The following ALS2CL variants were observed in gnomAD, a reference collection of about 807,000 sequenced individuals.
ALS2CL encodes the protein ALS2 C-terminal-like protein.
In ALS2CL, 112 loss-of-function variants were observed where a neutral mutation model predicts 127.9. The ratio of observed to expected loss-of-function variants is 0.88; its 90% confidence interval spans 0.75 to 1.02. The LOEUF (loss-of-function observed/expected upper bound fraction) is 1.02, where lower values mean the gene tolerates loss of function less well. ALS2CL is among the 50% of genes least tolerant of loss of function. The pLI is 0.00. For synonymous variants in ALS2CL, 519 were observed against 527.6 expected (o/e 0.98, Z 0.22); for missense variants, 1,174 against 1,236.7 (o/e 0.95, Z 0.76).
At chr3:46,679,512 C>T in intron 14 of ALS2CL, 1 of 342,990 alleles carries the variant, frequency 2.9e-6, no homozygotes, top group Non-Finnish European at 5.3e-6. Context: ...CCAAATGACA[C>T]CCTCCGCCCT....
At chr3:46,691,036 C>T (rs972283658) in intron 1 of ALS2CL, among the ~76,000 whole-genome samples, 1 of 152,206 alleles carries the variant, frequency 6.6e-6, no homozygotes, top group Admixed American at 6.5e-5. Flanking sequence ...AGCCACCAGA[C>T]ACCCAGCTGC....
rs77367607 is a variant in ALS2CL at position 46,671,000 on chromosome 3, G to A, written c.2846C>T (p.Ser949Phe). Residue 949 changes from serine (S) to phenylalanine (F), a missense_variant, in exon 26 of 26, where the codon TCC becomes TTC. Ser to Phe is a radical substitution (Grantham distance 155). Coordinates refer to ENST00000318962, the MANE Select transcript of ALS2CL (RefSeq NM_147129.5). The surrounding 1 kb of genome is among the most constrained non-coding windows in gnomAD (Gnocchi z 5.5). ...RLHRLPGHWH[S>F]RELW ...AAGGCCAGGCTACCAGAGCTCCCTG[G>A]AGTGCCAGTGGCCAGGTAAGCGGTG... 32,332 of 1,614,120 alleles carry A rather than the reference G, an allele frequency of 0.02. 433 individuals are homozygous for A. Among genetic ancestry groups the A allele is most frequent in the Non-Finnish European group, 0.023 (27,488 of 1,179,930 alleles).
In ALS2CL at chr3:46,686,306, AC is replaced by A; in HGVS notation, c.666+1del. On this transcript the variant is annotated splice_donor_variant, in intron 6 of 25. Transcript: ENST00000318962. LOFTEE classifies it high-confidence loss of function. This position sits in a 1 kb window ranked among gnomAD's most constrained non-coding sequence, Gnocchi z 4.3. ...TAACTGCCCCTCAGGCCCCCAACTC[AC>A]CCTCAGCCGGCCTCTCAGGGTGTGC... 6.2e-7 allele frequency: 1 copy of A among 1,600,764 alleles called. No homozygotes were observed. The highest frequency in any genetic ancestry group is 1.1e-5 in the South Asian group (1 of 89,454).
chr3:46,675,616 A>T lies in ALS2CL; in HGVS notation c.2255+2T>A. 1 of 1,613,370 alleles carries T rather than the reference A, an allele frequency of 6.2e-7. No individual in the cohort carries two copies. The highest frequency in any genetic ancestry group is 2.2e-5 in the East Asian group (1 of 44,862). On this transcript the variant is annotated splice_donor_variant, in intron 20 of 25. Transcript: ENST00000318962. LOFTEE classifies it high-confidence loss of function. ...GGCCCCAAGGAGACCTGCGCCAGTC[A>T]CCTTGTCTCTGTGTCTTCATCCTCC...
rs771289480 is a variant in ALS2CL, at chr3:46,678,255, TCA to T, written c.1757+2_1757+3del. On this transcript the variant is annotated splice_donor_variant and splice_donor_region_variant and intron_variant, in intron 16 of 25. Coordinates refer to ENST00000318962, the MANE Select transcript of ALS2CL (RefSeq NM_147129.5). LOFTEE classifies it high-confidence loss of function. ...GCCCAGAGCCAGAGGGGCCAGGCAC[TCA>T]CCTCTTGCAGGTACTGCTCGGGTCT... is the stretch of plus-strand genomic sequence containing the variant. The T allele has an allele frequency of 1.6e-5, 25 of 1,576,028 alleles. No individual in the cohort carries two copies. The South Asian group carries it at 2.9e-4, about 18-fold the overall frequency.
Position 46,675,651 on chromosome 3 carries a change from T to C in ALS2CL, c.2222A>G (p.Gln741Arg), listed in dbSNP as rs745458496. 6.2e-7 allele frequency: 1 copy of C among 1,613,828 alleles called. No homozygotes were observed. Among genetic ancestry groups the C allele is most frequent in the Admixed American group, 1.7e-5 (1 of 60,024 alleles). ...LLRVALERKG[Q>R]ALEEDEDTET... ...TGTGTCTTCATCCTCCTCCAGGGCCTGGCCCTTGCGCTCTAAGGCAACTCG... is the reference window on the plus strand; with the variant it reads ...TGTGTCTTCATCCTCCTCCAGGGCCCGGCCCTTGCGCTCTAAGGCAACTCG... Residue 741 changes from glutamine to arginine, a missense_variant, in exon 20 of 26, where the codon CAG becomes CGG. Coordinates refer to ENST00000318962, the MANE Select transcript of ALS2CL (RefSeq NM_147129.5).
intron 13 of ALS2CL, 87 bp from the exon 14 acceptor site, chr3:46,680,628 G>GT (rs1699242953): frequency 8.4e-7 from 1 of 1,195,100 alleles, no homozygotes; most frequent in Non-Finnish European, 1.2e-6. Context: ...GCGGCAGGGA[G>GT]TGCAGATAAG....
Position 46,681,578 on chromosome 3 carries a change from G to A in ALS2CL, c.1196C>T (p.Pro399Leu), listed in dbSNP as rs765985287. ...LEHGFGIRLL[P>L]QASEDKFDCY... ...GTCGAACTTGTCCTCAGAGGCCTGG[G>A]GCAGCAGGCGGATGCCGAAGCTGAC... The change falls in exon 12 of 26, where the codon CCC becomes CTC. Residue 399 changes from proline to leucine, a missense_variant. By Grantham distance (98) the Pro-to-Leu change is moderately conservative. Coordinates refer to ENST00000318962, the MANE Select transcript of ALS2CL (RefSeq NM_147129.5). The surrounding 1 kb of genome is among the most constrained non-coding windows in gnomAD (Gnocchi z 4.9). 1 of 1,614,130 alleles carries A rather than the reference G, an allele frequency of 6.2e-7. No homozygotes were observed. The highest frequency in any genetic ancestry group is 1.1e-5 in the South Asian group (1 of 91,078).
chr3:46,692,400 C>CA (rs1700213987), intron 1 of ALS2CL, among the ~76,000 whole-genome samples: 5 of 151,950 alleles, frequency 3.3e-5, no homozygotes, highest in Non-Finnish European at 5.9e-5. Flanking sequence ...CAGTCAAGGG[C>CA]ATAGCTTCCT....
chr3:46,679,155 C>T (rs773002587), intron 15 of ALS2CL, 55 bp downstream of exon 15: 8 of 1,505,836 alleles, frequency 5.3e-6, no homozygotes, highest in Non-Finnish European at 7.2e-6. Flanking sequence ...GGGGAGATTA[C>T]AGACACCAAC....
chr3:46,671,032 C>T lies in ALS2CL; in HGVS notation c.2814G>A (p.Met938Ile), dbSNP rs764697064. Residue 938 changes from methionine (M) to isoleucine (I), a missense_variant, in exon 26 of 26, where the codon ATG becomes ATA. Coordinates refer to ENST00000318962, the MANE Select transcript of ALS2CL (RefSeq NM_147129.5). ...SCYEHIQKED[M>I]RLHRLPGHWH... Reference sequence around the variant, plus strand: ...AGTGGCCAGGTAAGCGGTGCAGCCTCATGTCTTCTTTCTGGATGTGCTCGT... The same window carrying T: ...AGTGGCCAGGTAAGCGGTGCAGCCTTATGTCTTCTTTCTGGATGTGCTCGT... 6.2e-7 allele frequency: 1 copy of T among 1,614,218 alleles called. No homozygotes were observed. The highest frequency in any genetic ancestry group is 1.7e-5 in the Admixed American group (1 of 60,026).
chr3:46,684,414 C>T (rs1400233216), intron 7 of ALS2CL, among the ~76,000 whole-genome samples: 4 of 135,138 alleles, frequency 3.0e-5, no homozygotes, highest in Admixed American at 7.4e-5. Flanking sequence ...GACCACTACG[C>T]CATCAGGGCC....
rs1699759732 is a variant in ALS2CL, at chr3:46,686,221, G to A, written c.666+87C>T. The A allele has an allele frequency of 6.8e-7, 1 of 1,466,688 alleles. No individual in the cohort carries two copies. The highest frequency in any genetic ancestry group is 9.0e-7 in the Non-Finnish European group (1 of 1,106,008). The allele number at this position is 1,466,688 out of a possible 1,614,324, so 90.9% of individuals were successfully genotyped here. ...CCATATAGGGAAACTGAGGCCCAGA[G>A]AATACAGCAAGCAGCTCAAGCCCCC... On this transcript the variant is annotated intron_variant, in intron 6 of 25. Transcript: ENST00000318962. This position sits in a 1 kb window ranked among gnomAD's most constrained non-coding sequence, Gnocchi z 4.3.
In ALS2CL at chr3:46,683,194, C is replaced by A; in HGVS notation, c.1045G>T (p.Ala349Ser). ...GTGGCCTGGCAGAGCCGGCCCTCTG[C>A]CTGGAAGGTATATTCTGCGCAGCGG... ...DCRCAEYTFQ[A>S]EGRLCQATYE... The change falls in exon 10 of 26, where the codon GCA (alanine) becomes TCA (serine). Residue 349 changes from alanine to serine, a missense_variant. Transcript: ENST00000318962. 1 of 1,606,784 alleles carries A rather than the reference C, an allele frequency of 6.2e-7. No homozygotes were observed. The highest frequency in any genetic ancestry group is 8.5e-7 in the Non-Finnish European group (1 of 1,176,090).
rs1698702397 is a variant in ALS2CL, at chr3:46,675,060, A to T, written c.2256-321T>A. 1.8e-5 allele frequency: 5 copies of T among 271,262 alleles called. No individual in the cohort carries two copies. In the East Asian group the frequency reaches 3.9e-4, roughly 21 times the overall value. 16.8% of individuals were successfully genotyped at this position (271,262 alleles called of 1,614,324 possible). A position where few individuals can be genotyped will look rare whatever the true frequency, so the allele number is the denominator to read the frequency against. ...AGCTCTCAGCAGCCATTCCAGGCTG[A>T]TTCAGTTCCACCTCCTGGTTTGCTG... On this transcript the variant is annotated intron_variant, in intron 20 of 25. Coordinates refer to ENST00000318962, the MANE Select transcript of ALS2CL (RefSeq NM_147129.5).
In ALS2CL at chr3:46,685,534, G is replaced by T. The variant is rs1699694892; in HGVS notation, c.777C>A (p.Val259=). 1 of 1,613,670 alleles carries T rather than the reference G, an allele frequency of 6.2e-7. No homozygotes were observed. Among genetic ancestry groups the T allele is most frequent in the African/African-American group, 1.3e-5 (1 of 74,912 alleles). Residue 259 remains valine (V), a synonymous_variant, in exon 7 of 26, where the codon GTC becomes GTA. Transcript: ENST00000318962. ...TCAGCCCCACCCCAACCTGCAGCAG[G>T]ACGAGGGCATCATCAAAGAGCAGCA... ...ERVLLFDDAL[V]LLQGHNVHTF...
At position 46,683,812 on chromosome 3, in the gene ALS2CL, G is replaced by A. The variant is rs749472096; in HGVS notation, c.882C>T (p.Phe294=). 1.9e-6 allele frequency: 3 copies of A among 1,614,020 alleles called. No individual in the cohort carries two copies. Among genetic ancestry groups the A allele is most frequent in the East Asian group, 2.2e-5 (1 of 44,878 alleles). Residue 294 remains phenylalanine (F), a synonymous_variant, in exon 9 of 26, where the codon TTC becomes TTT. Coordinates refer to ENST00000318962, the MANE Select transcript of ALS2CL (RefSeq NM_147129.5). The stretch of plus-strand genomic sequence containing the variant: ...CCTGGGAGTCCTTGGCACAAAAGGA[G>A]AACTCTTCTTCGGGCGTGAGGAGGT... ...TFHLLTPEEE[F]SFCAKDSQGQ...
chr3:46,683,722 C>T (rs1250904550), intron 9 of ALS2CL, 60 bp downstream of exon 9: 22 of 1,584,912 alleles, frequency 1.4e-5, no homozygotes, highest in Non-Finnish European at 1.9e-5. Context: ...CATACTTCTG[C>T]CCTCTTCCTA....
intron 24 of ALS2CL, 79 bp from the exon 25 acceptor site, chr3:46,671,663 G>C (rs1698400937): frequency 6.2e-7 from 1 of 1,605,882 alleles, no homozygotes. Flanking sequence ...TGGGGAAGGA[G>C]CGCTGGCCTG....
Sources: gnomAD v4.1 joint callset for allele counts (sites outside exome capture counted in the v4.1 genomes callset) on GRCh38, gnomAD v4.1.1 for gene constraint, Gnocchi (gnomAD v3.1) non-coding constraint, MANE v1.5 for transcripts, NCBI Gene and HGNC (gene_info 2026-07-23, HGNC 2026-07-21) for gene names.